Variants in MCTP2 observed in about 807,000 individuals in gnomAD.
MCTP2 encodes multiple C2 and transmembrane domain-containing protein 2.
MCTP2 carries 132 observed loss-of-function variants against 111.6 expected under a neutral mutation model. The observed-to-expected ratio is 1.18, with a 90% CI of 1.03 to 1.37. MCTP2 has a LOEUF of 1.37. Among genes scored for constraint, MCTP2 ranks in the 40% most tolerant of loss-of-function variants. MCTP2 has a pLI of 0.00. For missense variants in MCTP2, 1,183 were observed against 1,067.9 expected, an observed-to-expected ratio of 1.11 and a Z score of -1.50; for synonymous variants, 395 against 387.7, an observed-to-expected ratio of 1.02 and a Z score of -0.22.
rs2074706923 is a variant in MCTP2, at chr15:94,481,167, T to G, written c.*2133T>G. 6.6e-6 allele frequency: 1 copy of G among 152,202 alleles called. No homozygotes were observed. Among genetic ancestry groups the G allele is most frequent in the South Asian group, 2.1e-4 (1 of 4,830 alleles). The allele number at this position is 152,202 out of a possible 1,614,324, so 9.4% of individuals were successfully genotyped here. A position where few individuals can be genotyped will look rare whatever the true frequency, so the allele number is the denominator to read the frequency against. ...GGGATGTTGAAGTCTTGCCAAGTTTTCCTGGTTCCCTTCTCAAACTTTATC... is the reference window on the plus strand; with the variant it reads ...GGGATGTTGAAGTCTTGCCAAGTTTGCCTGGTTCCCTTCTCAAACTTTATC... On this transcript the variant is annotated 3_prime_UTR_variant, in exon 23 of 23. Transcript: ENST00000357742.
intron 6 of MCTP2, 36 bp downstream of exon 6, chr15:94,340,311 G>A (rs2077566532): frequency 6.9e-7 from 1 of 1,444,182 alleles, no homozygotes; most frequent in Non-Finnish European, 9.7e-7. Context: ...TTATTGATGA[G>A]TTTTAGAGGG....
intron 22 of MCTP2, among the ~76,000 whole-genome samples, chr15:94,477,634 T>C (rs1018066640): frequency 6.6e-5 from 10 of 152,052 alleles, no homozygotes; most frequent in Admixed American, 2.0e-4. Context: ...AAATCAAATA[T>C]CGATTTTCAT....
intron 8 of MCTP2, among the ~76,000 whole-genome samples, chr15:94,350,739 T>C (rs1428509489): frequency 6.6e-6 from 1 of 152,214 alleles, no homozygotes; most frequent in Non-Finnish European, 1.5e-5. Flanking sequence ...GTAGCAGGAT[T>C]ATACAAGTAA....
chr15:94,464,239 AATATAT>A (rs1555481312), intron 20 of MCTP2, among the ~76,000 whole-genome samples: 1 of 89,362 alleles, frequency 1.1e-5, no homozygotes, highest in Non-Finnish European at 2.3e-5. Context: ...TTATATATAT[AATATAT>A]ATATATATAT....
intron 15 of MCTP2, 56 bp downstream of exon 15, chr15:94,399,118 C>A: frequency 1.1e-6 from 1 of 913,750 alleles, no homozygotes; most frequent in Non-Finnish European, 1.8e-6. Flanking sequence ...TAGAAGGTGA[C>A]CAGCCTTTGG....
intron 1 of MCTP2, among the ~76,000 whole-genome samples, chr15:94,291,332 G>A (rs2075020419): frequency 6.6e-6 from 1 of 152,224 alleles, no homozygotes; most frequent in African/African-American, 2.4e-5. Context: ...GCCGGGTGTG[G>A]TGGCTCACAC....
chr15:94,450,271 A>C (rs189741368), intron 19 of MCTP2, among the ~76,000 whole-genome samples: 106 of 152,322 alleles, frequency 7.0e-4, no homozygotes, highest in Admixed American at 1.1e-3. Context: ...AAAGAAGTAC[A>C]CTCCAGAAAG....
At chr15:94,345,539 A>G (rs1380329894) in intron 8 of MCTP2, among the ~76,000 whole-genome samples, 2 of 152,202 alleles carry the variant, frequency 1.3e-5, no homozygotes, top group Non-Finnish European at 2.9e-5. Flanking sequence ...TGAAAGAAAC[A>G]TGTGGTACAC....
intron 1 of MCTP2, among the ~76,000 whole-genome samples, chr15:94,263,029 C>G (rs1219273580): frequency 6.6e-6 from 1 of 152,098 alleles, no homozygotes; most frequent in African/African-American, 2.4e-5. Context: ...GATTTCATCT[C>G]TGCTTTGAAC....
intron 7 of MCTP2, chr15:94,343,257 A>G (rs189768640): frequency 7.2e-5 from 11 of 152,118 alleles, no homozygotes; most frequent in African/African-American, 2.6e-4. Context: ...TGTTCTTTTC[A>G]TTGAGTTTGA....
At chr15:94,430,764 TAAAAAAATAAAC>T (rs869218512) in intron 17 of MCTP2, among the ~76,000 whole-genome samples, 2 of 151,090 alleles carry the variant, frequency 1.3e-5, no homozygotes, top group African/African-American at 4.9e-5. Context: ...AAATAAAAAA[TAAAAAAATAAAC>T]AAAACACTGG....
chr15:94,333,046 C>G (rs986545977), intron 4 of MCTP2, among the ~76,000 whole-genome samples: 5 of 152,190 alleles, frequency 3.3e-5, no homozygotes, highest in African/African-American at 1.2e-4. Context: ...ACCAGCCCGG[C>G]CAACGTGGTG....
intron 17 of MCTP2, among the ~76,000 whole-genome samples, chr15:94,433,201 AAATT>A (rs2083285028): frequency 6.6e-6 from 1 of 152,198 alleles, no homozygotes; most frequent in South Asian, 2.1e-4. Flanking sequence ...CCTCAGGAAA[AAATT>A]AATCTTTTCA....
At chr15:94,466,709 T>TTAA (rs1418003960) in intron 20 of MCTP2, among the ~76,000 whole-genome samples, 2 of 152,152 alleles carry the variant, frequency 1.3e-5, no homozygotes, top group African/African-American at 2.4e-5. Flanking sequence ...GCAGAAAATA[T>TTAA]TAGAGTGAAA....
chr15:94,243,179 G>GCGTATA (rs2071188588), intron 1 of MCTP2, among the ~76,000 whole-genome samples: 1 of 147,654 alleles, frequency 6.8e-6, no homozygotes, highest in Non-Finnish European at 1.5e-5. Context: ...ACGTACGTAT[G>GCGTATA]TACGTATGCG....
intron 20 of MCTP2, among the ~76,000 whole-genome samples, chr15:94,465,706 C>T (rs954153035): frequency 2.0e-5 from 3 of 152,000 alleles, no homozygotes; most frequent in Non-Finnish European, 2.9e-5. Flanking sequence ...ATGATGCTTA[C>T]GATTGCATTT....
At chr15:94,434,269 A>T (rs2083344492) in intron 17 of MCTP2, among the ~76,000 whole-genome samples, 2 of 151,602 alleles carry the variant, frequency 1.3e-5, no homozygotes, top group Non-Finnish European at 1.5e-5. Context: ...CACCCAGCTC[A>T]TTTTTGTGAT....
chr15:94,234,653 G>A (rs991474091), intron 1 of MCTP2, among the ~76,000 whole-genome samples: 1 of 152,194 alleles, frequency 6.6e-6, no homozygotes, highest in Non-Finnish European at 1.5e-5. Flanking sequence ...AATTCTGAGA[G>A]CTGGTCTTCA....
At chr15:94,412,359 G>T (rs916299315) in intron 17 of MCTP2, among the ~76,000 whole-genome samples, 1 of 151,788 alleles carries the variant, frequency 6.6e-6, no homozygotes, top group Non-Finnish European at 1.5e-5. Context: ...TGAGTCTGTG[G>T]AGTTGCTATT....
Sources: allele counts gnomAD v4.1 joint callset (sites outside exome capture counted in the v4.1 genomes callset), GRCh38; gene constraint gnomAD v4.1.1; transcripts MANE v1.5; gene names NCBI Gene and HGNC (gene_info 2026-07-23, HGNC 2026-07-21).